Variants in WWOX observed in about 807,000 individuals in gnomAD.
WWOX encodes WW domain-containing oxidoreductase.
WWOX carries 69 observed loss-of-function variants against 46.2 expected under a neutral mutation model. That is an observed-to-expected ratio of 1.49 (90% CI 1.23 to 1.82). The LOEUF (loss-of-function observed/expected upper bound fraction) is 1.82, where lower values mean the gene tolerates loss of function less well. Ranked by LOEUF, WWOX falls within the 40% of genes most tolerant of loss-of-function variation. The pLI is 0.00. For synonymous variants in WWOX, 359 were observed against 202.6 expected (o/e 1.77, Z -6.56); for missense variants, 919 against 542.6 (o/e 1.69, Z -6.89).
At chr16:78,303,108 A>G (rs1419116308) in intron 5 of WWOX, among the ~76,000 whole-genome samples, 1 of 152,188 alleles carries the variant, frequency 6.6e-6, no homozygotes, top group Non-Finnish European at 1.5e-5. Flanking sequence ...TAGAATCAGA[A>G]TTGTTGCTCA....
chr16:78,344,606 G>A lies in WWOX; in HGVS notation c.517-42254G>A, dbSNP rs972007536. On this transcript the variant is annotated intron_variant, in intron 5 of 8. Transcript: ENST00000566780. ...AGCTTGGCTATTATTCCCCTACTTCGGTAGATACTGGCTGTACAGAAGGGA... is the reference window on the plus strand; with the variant it reads ...AGCTTGGCTATTATTCCCCTACTTCAGTAGATACTGGCTGTACAGAAGGGA... Among the ~76,000 whole-genome samples the A allele has an allele frequency of 2.5e-5, 3 of 120,896 alleles. 1 individual carries two copies. Among genetic ancestry groups the A allele is most frequent in the African/African-American group, 8.4e-5 (3 of 35,636 alleles). 79.3% of individuals were successfully genotyped at this position (120,896 alleles called of 152,430 possible).
At chr16:78,370,228 T>A (rs1177676481) in intron 5 of WWOX, among the ~76,000 whole-genome samples, 1 of 150,992 alleles carries the variant, frequency 6.6e-6, no homozygotes, top group Non-Finnish European at 1.5e-5. Flanking sequence ...CTCTTTACAA[T>A]CTGGGGCAAG....
chr16:79,206,574 A>G (rs1381993574), intron 8 of WWOX: 5 of 152,222 alleles, frequency 3.3e-5, no homozygotes, highest in Non-Finnish European at 7.3e-5. Flanking sequence ...AATGCTAGTC[A>G]TTGATGTCAC....
At chr16:78,999,656 T>G (rs1285162039) in intron 8 of WWOX, among the ~76,000 whole-genome samples, 3 of 152,202 alleles carry the variant, frequency 2.0e-5, no homozygotes, top group African/African-American at 7.2e-5. Context: ...ATTTATTGTA[T>G]GCACCAGAGT....
At chr16:78,786,740 A>G (rs764492825) in intron 8 of WWOX, among the ~76,000 whole-genome samples, 1 of 152,238 alleles carries the variant, frequency 6.6e-6, no homozygotes, top group Non-Finnish European at 1.5e-5. Context: ...TCCTTTAAAG[A>G]GCTTATCATT....
chr16:78,888,970 A>G (rs1036087892), intron 8 of WWOX, among the ~76,000 whole-genome samples: 2 of 151,920 alleles, frequency 1.3e-5, no homozygotes, highest in African/African-American at 4.8e-5. Context: ...GCCCTTAGAA[A>G]GCTTCCCTGG....
chr16:79,033,449 T>C (rs2047805324), intron 8 of WWOX, among the ~76,000 whole-genome samples: 1 of 151,516 alleles, frequency 6.6e-6, no homozygotes, highest in Non-Finnish European at 1.5e-5. Context: ...ACATTTTCTT[T>C]ATCCAGAATA....
At chr16:78,428,273 C>T (rs1315670909) in intron 7 of WWOX, among the ~76,000 whole-genome samples, 1 of 152,182 alleles carries the variant, frequency 6.6e-6, no homozygotes, top group African/African-American at 2.4e-5. Context: ...TCAGCAGCAT[C>T]TAAAGAGTTG....
At chr16:78,817,759 C>A (rs75399452) in intron 8 of WWOX, among the ~76,000 whole-genome samples, 1 of 152,120 alleles carries the variant, frequency 6.6e-6, no homozygotes. Context: ...TTTCTCTTCC[C>A]CTGAGATTGC....
At chr16:79,020,532 G>A (rs969103169) in intron 8 of WWOX, among the ~76,000 whole-genome samples, 7 of 152,312 alleles carry the variant, frequency 4.6e-5, no homozygotes, top group Non-Finnish European at 1.0e-4. Context: ...TGAAAAGACA[G>A]GCTAGCACAT....
intron 8 of WWOX, among the ~76,000 whole-genome samples, chr16:78,565,292 C>G (rs561856974): frequency 6.6e-6 from 1 of 152,326 alleles, no homozygotes; most frequent in African/African-American, 2.4e-5. Flanking sequence ...TGGGGAGTCA[C>G]AAGTTCAAAA....
At chr16:78,676,906 A>C (rs533091816) in intron 8 of WWOX, among the ~76,000 whole-genome samples, 1 of 152,210 alleles carries the variant, frequency 6.6e-6, no homozygotes, top group Non-Finnish European at 1.5e-5. Context: ...TGATAAGTTA[A>C]TTTAGAAGTA....
At chr16:78,193,931 G>T (rs575956403) in intron 5 of WWOX, among the ~76,000 whole-genome samples, 1 of 151,080 alleles carries the variant, frequency 6.6e-6, no homozygotes, top group South Asian at 2.1e-4. Flanking sequence ...AGGCTGGAGT[G>T]CAGTGGCGTG....
In WWOX at chr16:78,999,470, CAAG is replaced by C. The variant is rs1446351441; in HGVS notation, c.1057-212135_1057-212133del. ...GGGCAGCAGGAGCGAAACTCCTTCT[CAAG>C]AAAGAAGGAATAGCTGCATCACTTA... is the stretch of plus-strand genomic sequence containing the variant. On this transcript the variant is annotated intron_variant, in intron 8 of 8. Coordinates refer to ENST00000566780, the MANE Select transcript of WWOX (RefSeq NM_016373.4). Among the ~76,000 whole-genome samples, 3 of 152,004 alleles carry C rather than the reference CAAG, an allele frequency of 2.0e-5. No individual in the cohort carries two copies. In the East Asian group the frequency reaches 5.8e-4, roughly 29 times the overall value.
At chr16:78,414,147 C>T (rs1330814239) in intron 6 of WWOX, among the ~76,000 whole-genome samples, 2 of 152,016 alleles carry the variant, frequency 1.3e-5, no homozygotes, top group East Asian at 2.0e-4. Flanking sequence ...CCGCCCCTGC[C>T]TGCAAGACAA....
chr16:78,109,320 C>CA (rs1192198850), intron 2 of WWOX, among the ~76,000 whole-genome samples: 2 of 148,126 alleles, frequency 1.4e-5, no homozygotes, highest in African/African-American at 2.5e-5. Flanking sequence ...GACCCCATCT[C>CA]AAAAAAAAAT....
At chr16:79,073,764 G>A (rs1017794277) in intron 8 of WWOX, among the ~76,000 whole-genome samples, 2 of 152,134 alleles carry the variant, frequency 1.3e-5, no homozygotes, top group East Asian at 1.9e-4. Context: ...CAGGGCTTCC[G>A]TAGGGTTTAT....
intron 6 of WWOX, among the ~76,000 whole-genome samples, chr16:78,419,708 G>A (rs184501669): frequency 3.1e-4 from 47 of 150,480 alleles, no homozygotes; most frequent in African/African-American, 1.1e-3. Context: ...GCAAACATAG[G>A]GGTATATTTT....
intron 5 of WWOX, among the ~76,000 whole-genome samples, chr16:78,267,437 A>G (rs1029566995): frequency 2.8e-4 from 42 of 152,190 alleles, no homozygotes; most frequent in African/African-American, 8.9e-4. Flanking sequence ...TTTATTTTGT[A>G]GTCTATTAAA....
Sources: gnomAD v4.1 joint callset for allele counts (sites outside exome capture counted in the v4.1 genomes callset) on GRCh38, gnomAD v4.1.1 for gene constraint, MANE v1.5 for transcripts, NCBI Gene and HGNC (gene_info 2026-07-23, HGNC 2026-07-21) for gene names.